ARHGAP44: variants seen among roughly 807,000 people sequenced by gnomAD.
The protein encoded by ARHGAP44 is rho GTPase-activating protein 44.
A neutral mutation model predicts 106.8 loss-of-function variants in ARHGAP44; 43 were observed. That is an observed-to-expected ratio of 0.40 (90% CI 0.32 to 0.52). The LOEUF is 0.52. Among genes scored for constraint, ARHGAP44 ranks in the 20% least tolerant of loss-of-function variants. The probability of loss-of-function intolerance (pLI) is 0.48; values close to 1 mark genes in which losing one functional copy is unlikely to be tolerated. For missense variants in ARHGAP44, 866 were observed against 1,050.5 expected (o/e 0.82, Z 2.43); for synonymous variants, 439 against 410.3 (o/e 1.07, Z -0.85).
At chr17:12,842,588 G>C (rs1375152195) in intron 1 of ARHGAP44, among the ~76,000 whole-genome samples, 1 of 152,094 alleles carries the variant, frequency 6.6e-6, no homozygotes, top group Non-Finnish European at 1.5e-5. Context: ...GATTCAGTAG[G>C]TCTGGAGTGT....
intron 1 of ARHGAP44, among the ~76,000 whole-genome samples, chr17:12,873,395 A>C (rs1219593509): frequency 2.6e-5 from 4 of 152,218 alleles, no homozygotes; most frequent in Non-Finnish European, 5.9e-5. Flanking sequence ...TTCTGTACTT[A>C]GGTTTATATA....
chr17:12,812,585 G>A (rs2034471959), intron 1 of ARHGAP44, among the ~76,000 whole-genome samples: 1 of 152,180 alleles, frequency 6.6e-6, no homozygotes, highest in Admixed American at 6.5e-5. Context: ...CACGCTGACA[G>A]GGGAACAGAG....
chr17:12,959,875 C>T (rs904882302), intron 16 of ARHGAP44, among the ~76,000 whole-genome samples: 2 of 152,332 alleles, frequency 1.3e-5, no homozygotes, highest in South Asian at 2.1e-4. Context: ...TTCCCCTTTC[C>T]GGACAGACCA....
chr17:12,952,353 A>G, intron 12 of ARHGAP44, 148 bp from the exon 13 acceptor site: 1 of 677,876 alleles, frequency 1.5e-6, no homozygotes, highest in Non-Finnish European at 2.5e-6. Flanking sequence ...AGGGGTAAAT[A>G]ATAACAACCA....
At chr17:12,903,499 T>C (rs2037456878) in intron 3 of ARHGAP44, among the ~76,000 whole-genome samples, 2 of 152,174 alleles carry the variant, frequency 1.3e-5, no homozygotes, top group African/African-American at 4.8e-5. Flanking sequence ...GCTTTGTCAG[T>C]GTGGATCCTT....
At chr17:12,943,806 C>T (rs2038768745) in intron 9 of ARHGAP44, 137 bp downstream of exon 9, 2 of 1,036,360 alleles carry the variant, frequency 1.9e-6, no homozygotes, top group South Asian at 3.0e-5. Context: ...TTTGGACTTA[C>T]TTCCAAACTG....
chr17:12,843,651 CTTTTTTTT>C (rs146749216), intron 1 of ARHGAP44, among the ~76,000 whole-genome samples: 111 of 97,122 alleles, frequency 1.1e-3, no homozygotes, highest in Non-Finnish European at 1.9e-3. Flanking sequence ...GTATTGGTTA[CTTTTTTTT>C]TTTTTTTTTT....
intron 1 of ARHGAP44, among the ~76,000 whole-genome samples, chr17:12,835,700 A>G (rs1193708253): frequency 6.6e-6 from 1 of 152,208 alleles, no homozygotes; most frequent in African/African-American, 2.4e-5. Context: ...GTACAGTTCA[A>G]TCTTGTTAAG....
At chr17:12,914,159 G>A (rs1455260376) in intron 4 of ARHGAP44, among the ~76,000 whole-genome samples, 1 of 152,104 alleles carries the variant, frequency 6.6e-6, no homozygotes, top group Non-Finnish European at 1.5e-5. Context: ...ATATGAACAG[G>A]CACTTCATGG....
At chr17:12,842,702 G>A (rs2035452583) in intron 1 of ARHGAP44, among the ~76,000 whole-genome samples, 1 of 152,162 alleles carries the variant, frequency 6.6e-6, no homozygotes, top group African/African-American at 2.4e-5. Flanking sequence ...ATGTGATGTT[G>A]ACTAAACCCC....
Position 12,990,376 on chromosome 17 carries a change from TG to T in ARHGAP44, c.*207del. ...GCAGGTTTTGTTTGTTCCTTTCGGG[TG>T]GTGACTTCGGCCTTTTGTTTGACCT... On this transcript the variant is annotated 3_prime_UTR_variant, in exon 21 of 21. Transcript: ENST00000379672. The T allele has an allele frequency of 1.6e-6, 1 of 634,936 alleles. No homozygotes were observed. The highest frequency in any genetic ancestry group is 2.9e-5 in the East Asian group (1 of 34,188). The allele number at this position is 634,936 out of a possible 1,614,324, so 39.3% of individuals were successfully genotyped here.
intron 1 of ARHGAP44, among the ~76,000 whole-genome samples, chr17:12,873,951 AAAAG>A (rs148068836): frequency 0.019 from 2,436 of 126,026 alleles, 80 homozygotes; most frequent in African/African-American, 0.08. Flanking sequence ...ATAAATAAAT[AAAAG>A]AAAGAAAGAA....
intron 18 of ARHGAP44, among the ~76,000 whole-genome samples, chr17:12,974,729 A>C (rs2039631814): frequency 6.6e-6 from 1 of 152,216 alleles, no homozygotes; most frequent in Non-Finnish European, 1.5e-5. Flanking sequence ...TTATACACAC[A>C]TACCTGTGAT....
At chr17:12,836,747 C>T (rs2035249655) in intron 1 of ARHGAP44, among the ~76,000 whole-genome samples, 1 of 152,128 alleles carries the variant, frequency 6.6e-6, no homozygotes, top group South Asian at 2.1e-4. Context: ...TGTCTACGCA[C>T]CTGAGAACAG....
At chr17:12,933,335 C>G (rs973006545) in intron 7 of ARHGAP44, among the ~76,000 whole-genome samples, 5 of 152,050 alleles carry the variant, frequency 3.3e-5, no homozygotes, top group Admixed American at 1.3e-4. Context: ...TTTTTGAGGA[C>G]CAAGCAGAGC....
intron 1 of ARHGAP44, among the ~76,000 whole-genome samples, chr17:12,884,023 CATT>C (rs1344087536): frequency 6.6e-6 from 1 of 152,102 alleles, no homozygotes; most frequent in African/African-American, 2.4e-5. Flanking sequence ...AGTTTTCTAA[CATT>C]ATATTGCTGT....
intron 7 of ARHGAP44, among the ~76,000 whole-genome samples, chr17:12,929,881 G>T (rs1265173681): frequency 6.6e-6 from 1 of 152,174 alleles, no homozygotes; most frequent in East Asian, 1.9e-4. Flanking sequence ...TGTTCTTCAT[G>T]GCTCTGTCTA....
chr17:12,825,418 G>A (rs1308427882), intron 1 of ARHGAP44, among the ~76,000 whole-genome samples: 1 of 94,474 alleles, frequency 1.1e-5, no homozygotes, highest in Non-Finnish European at 1.9e-5. Context: ...GAGTGTGTTT[G>A]TGTGTGTGTG....
intron 1 of ARHGAP44, among the ~76,000 whole-genome samples, chr17:12,828,658 T>A (rs1473962733): frequency 3.1e-4 from 45 of 145,512 alleles, no homozygotes; most frequent in Admixed American, 5.5e-4. Flanking sequence ...TTTTTTTTTT[T>A]AAAGACAGAG....
Sources: allele counts gnomAD v4.1 joint callset (sites outside exome capture counted in the v4.1 genomes callset), GRCh38; gene constraint gnomAD v4.1.1; transcripts MANE v1.5; gene names NCBI Gene and HGNC (gene_info 2026-07-23, HGNC 2026-07-21).